The following PHF14 variants were observed in gnomAD, a reference collection of about 807,000 sequenced individuals.
PHF14 encodes the protein PHD finger protein 14.
In PHF14, 55 loss-of-function variants were observed where a neutral mutation model predicts 117.9. That is an observed-to-expected ratio of 0.47 (90% CI 0.38 to 0.58). PHF14 has a LOEUF of 0.58. Among genes scored for constraint, PHF14 ranks in the 20% least tolerant of loss-of-function variants. The pLI is 0.00. For missense variants in PHF14, 978 were observed against 1,122.2 expected (o/e 0.87, Z 1.84); for synonymous variants, 409 against 368.6 (o/e 1.11, Z -1.26).
At chr7:11,065,288 T>C (rs2128330874) in intron 16 of PHF14, among the ~76,000 whole-genome samples, 1 of 152,266 alleles carries the variant, frequency 6.6e-6, no homozygotes, top group African/African-American at 2.4e-5. Flanking sequence ...AAGTTGAAAC[T>C]ATTTCATGGA....
At chr7:11,133,213 T>A (rs1391035227) in intron 17 of PHF14, among the ~76,000 whole-genome samples, 1 of 151,882 alleles carries the variant, frequency 6.6e-6, no homozygotes, top group African/African-American at 2.4e-5. Flanking sequence ...ATTCTCAAGT[T>A]TATATGGAAA....
chr7:11,052,044 T>TTTAGAA (rs1395643264), intron 14 of PHF14, among the ~76,000 whole-genome samples: 1 of 152,182 alleles, frequency 6.6e-6, no homozygotes, highest in East Asian at 1.9e-4. Context: ...TTCCCAAAGC[T>TTTAGAA]TTAGAAGTTT....
In PHF14 at chr7:11,104,336, G is replaced by C. The variant is rs563556484; in HGVS notation, c.2655-7014G>C. On this transcript the variant is annotated intron_variant, in intron 16 of 17. Transcript: ENST00000634607. Reference sequence around the variant, plus strand: ...TCATAAGATATAGGTCCTGCAAAAAGTATAGTTGAAGTAAGAAAACTTGAA... The same window carrying C: ...TCATAAGATATAGGTCCTGCAAAAACTATAGTTGAAGTAAGAAAACTTGAA... 10 of 977,780 alleles carry C rather than the reference G, an allele frequency of 1.0e-5. No individual in the cohort carries two copies. The East Asian group carries it at 1.1e-3, about 112-fold the overall frequency. 60.6% of individuals were successfully genotyped at this position (977,780 alleles called of 1,614,324 possible).
intron 17 of PHF14, among the ~76,000 whole-genome samples, chr7:11,129,686 A>G (rs1160402453): frequency 6.6e-6 from 1 of 151,726 alleles, no homozygotes; most frequent in African/African-American, 2.4e-5. Flanking sequence ...AAAAATCTGT[A>G]TAGTATTCAG....
At position 11,080,308 on chromosome 7, in the gene PHF14, C is replaced by G. The variant is rs186933666; in HGVS notation, c.2654+18223C>G. Reference sequence around the variant, plus strand: ...TGATAACTTATATTACACGTGCATACTTGTTAACATCTCACTTTAAAAAAT... The same window carrying G: ...TGATAACTTATATTACACGTGCATAGTTGTTAACATCTCACTTTAAAAAAT... On this transcript the variant is annotated intron_variant, in intron 16 of 17. Transcript: ENST00000634607. Among the ~76,000 whole-genome samples, 88 of 152,176 alleles carry G rather than the reference C, an allele frequency of 5.8e-4. No individual in the cohort carries two copies. In the East Asian group the frequency reaches 0.014, roughly 24 times the overall value.
chr7:11,034,769 G>T (rs61647045), intron 7 of PHF14, among the ~76,000 whole-genome samples: 1 of 151,436 alleles, frequency 6.6e-6, no homozygotes, highest in Non-Finnish European at 1.5e-5. Context: ...GGCTAGTCTC[G>T]AACTCCCAAC....
At position 11,150,359 on chromosome 7, in the gene PHF14, A is replaced by G. The variant is rs141915610; in HGVS notation, c.2773-19057A>G. On this transcript the variant is annotated intron_variant, in intron 17 of 17. Transcript: ENST00000634607. ...GAAGGTTTCTGTGTTTGCTGGTTATAAAGACGAACAGAGGCATAAACTAAA... is the reference window on the plus strand; with the variant it reads ...GAAGGTTTCTGTGTTTGCTGGTTATGAAGACGAACAGAGGCATAAACTAAA... Among the ~76,000 whole-genome samples the G allele has an allele frequency of 5.2e-3, 789 of 152,306 alleles. 2 individuals are homozygous for G. The highest frequency in any genetic ancestry group is 0.016 in the African/African-American group (669 of 41,574).
intron 3 of PHF14, among the ~76,000 whole-genome samples, chr7:10,988,751 G>A (rs1439718142): frequency 2.0e-5 from 3 of 152,096 alleles, no homozygotes; most frequent in Non-Finnish European, 4.4e-5. Context: ...AAAAGGCATT[G>A]ACCATTTATT....
rs1299196257 is a variant in PHF14 at position 10,974,149 on chromosome 7, G to T, written c.-175G>T. 1.1e-5 allele frequency: 7 copies of T among 617,884 alleles called. No individual in the cohort carries two copies. The highest frequency in any genetic ancestry group is 9.6e-5 in the Admixed American group (4 of 41,504). 38.3% of individuals were successfully genotyped at this position (617,884 alleles called of 1,614,324 possible). A position where few individuals can be genotyped will look rare whatever the true frequency, so the allele number is the denominator to read the frequency against. ...CCAGGCGAGGCCGGGGGGGCGGGGG[G>T]TTAGGGGACCGCGGGGCTACTCTTG... On this transcript the variant is annotated 5_prime_UTR_variant, in exon 1 of 18. Transcript: ENST00000634607.
chr7:11,080,727 C>G lies in PHF14; in HGVS notation c.2654+18642C>G, dbSNP rs117510366. On this transcript the variant is annotated intron_variant, in intron 16 of 17. Transcript: ENST00000634607. ...ACATTCTGCAGTGCGGATATATATC[C>G]TAATGGTTTCAACCAAAAATGACTG... Among the ~76,000 whole-genome samples, 903 of 152,202 alleles carry G rather than the reference C, an allele frequency of 5.9e-3. 26 individuals are homozygous for G. Among genetic ancestry groups the G allele is most frequent in the East Asian group, 0.039 (200 of 5,186 alleles).
intron 2 of PHF14, among the ~76,000 whole-genome samples, chr7:10,978,743 C>T (rs190877537): frequency 6.6e-6 from 1 of 152,150 alleles, no homozygotes; most frequent in African/African-American, 2.4e-5. Context: ...GCCCCAGCCT[C>T]ACCTCCACCT....
chr7:10,983,063 C>T lies in PHF14; in HGVS notation c.804C>T (p.Cys268=). 1 of 1,597,680 alleles carries T rather than the reference C, an allele frequency of 6.3e-7. No individual in the cohort carries two copies. The highest frequency in any genetic ancestry group is 1.1e-5 in the South Asian group (1 of 90,416). ...GTAGCCCTGCCAGTGAAGGGGGTTG[C>T]AAGAAGAAGAAGAGTAAAGTTCTTA... is the stretch of plus-strand genomic sequence containing the variant. ...DHSSPASEGG[C]KKKKSKVLSR... Residue 268 remains cysteine, a synonymous_variant, in exon 3 of 18, where the codon TGC becomes TGT. Coordinates refer to ENST00000634607, the MANE Select transcript of PHF14 (RefSeq NM_001007157.2).
chr7:11,000,403 G>C (rs1470445116), intron 4 of PHF14, among the ~76,000 whole-genome samples: 3 of 142,908 alleles, frequency 2.1e-5, no homozygotes, highest in African/African-American at 8.0e-5. Flanking sequence ...GCAGTGGTGG[G>C]ATCTTGGCTC....
At chr7:11,027,719 ATATT>A (rs35048896) in intron 6 of PHF14, among the ~76,000 whole-genome samples, 62,576 of 151,442 alleles carry the variant, frequency 0.41, 14,628 homozygotes, top group Non-Finnish European at 0.53. Context: ...TGTCTTAAAG[ATATT>A]TAAAACATGC....
chr7:11,007,699 AT>A (rs1783173001), intron 4 of PHF14, among the ~76,000 whole-genome samples: 1 of 152,212 alleles, frequency 6.6e-6, no homozygotes, highest in Non-Finnish European at 1.5e-5. Context: ...AATGTGGAAA[AT>A]ATAGAACAGA....
At chr7:11,091,891 G>A (rs1043803413) in intron 16 of PHF14, among the ~76,000 whole-genome samples, 3 of 152,108 alleles carry the variant, frequency 2.0e-5, no homozygotes, top group Admixed American at 6.5e-5. Flanking sequence ...AAATGACTGC[G>A]TCTTTCAGTG....
intron 5 of PHF14, among the ~76,000 whole-genome samples, chr7:11,018,971 C>T (rs781465492): frequency 1.3e-5 from 2 of 152,078 alleles, no homozygotes; most frequent in Non-Finnish European, 2.9e-5. Flanking sequence ...TTATTAAATG[C>T]TTTTTCAGCA....
At chr7:11,015,307 C>T (rs960972446) in intron 5 of PHF14, 4 of 152,152 alleles carry the variant, frequency 2.6e-5, no homozygotes, top group Admixed American at 6.5e-5. Context: ...GCTGGGATAG[C>T]GTAGAATCTA....
intron 13 of PHF14, 126 bp from the exon 14 acceptor site, chr7:11,051,486 A>G: frequency 1.4e-6 from 1 of 710,418 alleles, no homozygotes; most frequent in South Asian, 2.5e-5. Context: ...GTACCCTATA[A>G]TCACATTACC....
Sources: gnomAD v4.1 joint callset for allele counts (sites outside exome capture counted in the v4.1 genomes callset) on GRCh38, gnomAD v4.1.1 for gene constraint, MANE v1.5 for transcripts, NCBI Gene and HGNC (gene_info 2026-07-23, HGNC 2026-07-21) for gene names.